EFCAB13: variants seen among roughly 807,000 people sequenced by gnomAD.
EFCAB13 encodes the protein EF-hand calcium-binding domain-containing protein 13.
Under a neutral mutation model 110.2 loss-of-function variants are expected in EFCAB13, and 91 were observed. The ratio of observed to expected loss-of-function variants is 0.83; its 90% confidence interval spans 0.70 to 0.98. The LOEUF (loss-of-function observed/expected upper bound fraction) is 0.98. EFCAB13 is among the 50% of genes least tolerant of loss of function. EFCAB13 has a pLI of 0.00. For synonymous variants in EFCAB13, 323 were observed against 369.9 expected (o/e 0.87, Z 1.45); for missense variants, 968 against 1,119.4 (o/e 0.86, Z 1.93).
At chr17:47,418,975 CAG>C (rs1203870504) in intron 23 of EFCAB13, among the ~76,000 whole-genome samples, 1 of 152,142 alleles carries the variant, frequency 6.6e-6, no homozygotes, top group Non-Finnish European at 1.5e-5. Flanking sequence ...ATAACCTAAA[CAG>C]TAATTTTTAA....
chr17:47,410,772 G>A (rs1273772448), intron 21 of EFCAB13, among the ~76,000 whole-genome samples: 1 of 152,156 alleles, frequency 6.6e-6, no homozygotes, highest in African/African-American at 2.4e-5. Flanking sequence ...AAACCAAAAA[G>A]GGAAAACAAC....
intron 24 of EFCAB13, among the ~76,000 whole-genome samples, chr17:47,435,015 C>A (rs2143525889): frequency 6.6e-6 from 1 of 152,094 alleles, no homozygotes; most frequent in East Asian, 1.9e-4. Flanking sequence ...AAAGCAAATG[C>A]AACCAAAACA....
chr17:47,399,297 A>G (rs2065766688), intron 17 of EFCAB13, among the ~76,000 whole-genome samples: 1 of 152,220 alleles, frequency 6.6e-6, no homozygotes, highest in African/African-American at 2.4e-5. Context: ...TATACACATG[A>G]TATTGAAAAC....
At chr17:47,405,844 C>CTA (rs2065802324) in intron 20 of EFCAB13, among the ~76,000 whole-genome samples, 1 of 151,322 alleles carries the variant, frequency 6.6e-6, no homozygotes, top group Admixed American at 6.6e-5. Context: ...TTAGTAAGTC[C>CTA]TTTATATTGT....
chr17:47,360,638 T>C (rs1279649394), intron 9 of EFCAB13, among the ~76,000 whole-genome samples: 1 of 152,160 alleles, frequency 6.6e-6, no homozygotes, highest in Admixed American at 6.5e-5. Flanking sequence ...AATTAGATCC[T>C]ATTTGTCAAT....
chr17:47,325,512 T>G (rs1416615516), intron 2 of EFCAB13, among the ~76,000 whole-genome samples: 2 of 152,188 alleles, frequency 1.3e-5, no homozygotes, highest in East Asian at 1.9e-4. Flanking sequence ...TACTGTCATC[T>G]AGGGGTCCTC....
rs1905309158 is a variant in EFCAB13, at chr17:47,440,897, T to A, written c.*183T>A. 2.1e-6 allele frequency: 1 copy of A among 475,446 alleles called. No individual in the cohort carries two copies. Among genetic ancestry groups the A allele is most frequent in the East Asian group, 3.7e-5 (1 of 27,314 alleles). The allele number at this position is 475,446 out of a possible 1,614,324, so 29.5% of individuals were successfully genotyped here. ...CTCTCTTGATCACACTTTTTAAACA[T>A]TCATGCTTTTTGAGGTATAATGTAC... On this transcript the variant is annotated 3_prime_UTR_variant, in exon 25 of 25. Coordinates refer to ENST00000331493, the MANE Select transcript of EFCAB13 (RefSeq NM_152347.5).
Position 47,422,637 on chromosome 17 carries a change from A to G in EFCAB13, c.2495-7181A>G, listed in dbSNP as rs529960496. 5.9e-5 allele frequency among the ~76,000 whole-genome samples: 9 copies of G among 152,324 alleles called. No individual in the cohort carries two copies. In the South Asian group the frequency reaches 1.5e-3, roughly 25 times the overall value. On this transcript the variant is annotated intron_variant, in intron 23 of 24. Coordinates refer to ENST00000331493, the MANE Select transcript of EFCAB13 (RefSeq NM_152347.5). ...AAACAATTATAAAATGAAAATAAAG[A>G]TATGATTTGCAATGATACAAAAAAG...
intron 23 of EFCAB13, among the ~76,000 whole-genome samples, chr17:47,422,649 A>G (rs1184645656): frequency 2.0e-5 from 3 of 152,212 alleles, no homozygotes; most frequent in Middle Eastern, 3.2e-3. Flanking sequence ...ATGATTTGCA[A>G]TGATACAAAA....
chr17:47,325,937 T>TATATATATATATATATATATATATATATC (rs2065282060), intron 2 of EFCAB13, among the ~76,000 whole-genome samples: 1 of 49,128 alleles, frequency 2.0e-5, no homozygotes, highest in South Asian at 5.7e-4. Context: ...TATATATATA[T>TATATATATATATATATATATATATATATC]ATATATATAT....
intron 17 of EFCAB13, among the ~76,000 whole-genome samples, chr17:47,396,895 T>C (rs1245836973): frequency 6.6e-6 from 1 of 152,220 alleles, no homozygotes; most frequent in African/African-American, 2.4e-5. Flanking sequence ...GTGCTTCAGG[T>C]TCTTTTGTTA....
At chr17:47,413,245 ATTTTTTT>A (rs56780891) in intron 22 of EFCAB13, among the ~76,000 whole-genome samples, 1 of 151,176 alleles carries the variant, frequency 6.6e-6, no homozygotes, top group Non-Finnish European at 1.5e-5. Flanking sequence ...ATCTGCTTTC[ATTTTTTT>A]TTTACAGTAC....
chr17:47,331,755 C>A (rs575866670), intron 4 of EFCAB13, among the ~76,000 whole-genome samples: 13 of 152,130 alleles, frequency 8.5e-5, no homozygotes, highest in Non-Finnish European at 1.3e-4. Context: ...CATCCCCTGG[C>A]AAACACTGAT....
chr17:47,347,625 A>G (rs1702755005), intron 8 of EFCAB13, among the ~76,000 whole-genome samples, 183 bp from the exon 9 acceptor site: 1 of 152,214 alleles, frequency 6.6e-6, no homozygotes, highest in African/African-American at 2.4e-5. Flanking sequence ...TCTTTAGGAA[A>G]CAGGTTGAAA....
At chr17:47,327,097 A>G (rs2065290187) in intron 3 of EFCAB13, among the ~76,000 whole-genome samples, 1 of 152,230 alleles carries the variant, frequency 6.6e-6, no homozygotes, top group South Asian at 2.1e-4. Flanking sequence ...TGGTTATCAC[A>G]TTTGCATAAT....
At chr17:47,428,759 G>A (rs558012862) in intron 23 of EFCAB13, among the ~76,000 whole-genome samples, 11 of 152,150 alleles carry the variant, frequency 7.2e-5, no homozygotes, top group Non-Finnish European at 2.9e-5. Flanking sequence ...GGTATTACCA[G>A]GACAAATAGC....
chr17:47,436,917 G>C (rs954096061), intron 24 of EFCAB13, among the ~76,000 whole-genome samples: 2 of 151,832 alleles, frequency 1.3e-5, no homozygotes, highest in Non-Finnish European at 2.9e-5. Context: ...TTTCCTCTTA[G>C]CACTGCCTTT....
intron 3 of EFCAB13, chr17:47,327,958 T>G (rs897011904): frequency 3.1e-6 from 1 of 319,876 alleles, no homozygotes; most frequent in African/African-American, 2.1e-5. Flanking sequence ...GAGTGATTAC[T>G]ACTGTCTTAG....
intron 17 of EFCAB13, among the ~76,000 whole-genome samples, chr17:47,399,064 A>G (rs955561877): frequency 6.6e-6 from 1 of 152,110 alleles, no homozygotes; most frequent in Non-Finnish European, 1.5e-5. Context: ...CTGGGACTAC[A>G]GGTGCACAGC....
Sources: gnomAD v4.1 joint callset for allele counts (sites outside exome capture counted in the v4.1 genomes callset) on GRCh38, gnomAD v4.1.1 for gene constraint, MANE v1.5 for transcripts, NCBI Gene and HGNC (gene_info 2026-07-23, HGNC 2026-07-21) for gene names.